Variants in KCNAB1 observed in about 807,000 individuals in gnomAD.
KCNAB1 encodes voltage-gated potassium channel subunit beta-1.
A neutral mutation model predicts 64.6 loss-of-function variants in KCNAB1; 35 were observed. The ratio of observed to expected loss-of-function variants is 0.54; its 90% CI spans 0.41 to 0.72. KCNAB1 has a LOEUF of 0.72. Among genes scored for constraint, KCNAB1 ranks in the 30% least tolerant of loss-of-function variants. KCNAB1 has a pLI of 0.00. For missense variants in KCNAB1, 401 were observed against 512.9 expected, an observed-to-expected ratio of 0.78 and a Z score of 2.11; for synonymous variants, 177 against 183.8, an observed-to-expected ratio of 0.96 and a Z score of 0.30.
At chr3:156,405,448 C>A (rs1011055338) in intron 1 of KCNAB1, among the ~76,000 whole-genome samples, 1 of 152,164 alleles carries the variant, frequency 6.6e-6, no homozygotes, top group African/African-American at 2.4e-5. Context: ...GTGTAGTTGA[C>A]CTTAGCAACT....
At chr3:156,469,305 GGA>G (rs1713696123) in intron 7 of KCNAB1, among the ~76,000 whole-genome samples, 2 of 133,464 alleles carry the variant, frequency 1.5e-5, no homozygotes, top group South Asian at 4.7e-4. Context: ...CACCCAGGCT[GGA>G]GTGCAGTGGC....
chr3:156,434,997 G>C (rs1716489814), intron 2 of KCNAB1, among the ~76,000 whole-genome samples: 1 of 152,204 alleles, frequency 6.6e-6, no homozygotes, highest in Non-Finnish European at 1.5e-5. Context: ...GGAAAGGGAA[G>C]GTGATAAAGG....
At chr3:156,273,331 T>G (rs1259355387) in intron 1 of KCNAB1, among the ~76,000 whole-genome samples, 3 of 152,212 alleles carry the variant, frequency 2.0e-5, no homozygotes, top group Non-Finnish European at 4.4e-5. Context: ...GCCTTTCAAG[T>G]TTATTTAGAT....
chr3:156,533,284 T>A (rs1190870536), intron 13 of KCNAB1, among the ~76,000 whole-genome samples: 1 of 152,206 alleles, frequency 6.6e-6, no homozygotes, highest in East Asian at 1.9e-4. Context: ...GGGCTTCATG[T>A]GCCTTCATTT....
chr3:156,215,153 A>G (rs1373521294), intron 1 of KCNAB1, among the ~76,000 whole-genome samples: 1 of 152,220 alleles, frequency 6.6e-6, no homozygotes, highest in Non-Finnish European at 1.5e-5. Flanking sequence ...AGTAGGGACT[A>G]TTAGCTCATT....
At chr3:156,409,314 A>G (rs530639950) in intron 1 of KCNAB1, among the ~76,000 whole-genome samples, 1 of 152,328 alleles carries the variant, frequency 6.6e-6, no homozygotes, top group Admixed American at 6.5e-5. Flanking sequence ...ATTTTCTGGG[A>G]TGGATTAATT....
intron 12 of KCNAB1, chr3:156,524,230 G>C: frequency 4.1e-6 from 1 of 241,332 alleles, no homozygotes; most frequent in Non-Finnish European, 7.9e-6. Flanking sequence ...GGGGTGAACT[G>C]TGTAGTGACA....
chr3:156,329,050 A>G (rs1280308851), intron 1 of KCNAB1, among the ~76,000 whole-genome samples: 2 of 152,214 alleles, frequency 1.3e-5, no homozygotes, highest in African/African-American at 2.4e-5. Context: ...CGGTTTAAAA[A>G]AAACTTCCTT....
chr3:156,166,672 CT>C (rs1350004334), intron 1 of KCNAB1, among the ~76,000 whole-genome samples: 1 of 152,248 alleles, frequency 6.6e-6, no homozygotes, highest in East Asian at 1.9e-4. Context: ...CATTTGCTAG[CT>C]GTTTGCAAAC....
At chr3:156,411,938 G>T (rs914018852) in intron 1 of KCNAB1, among the ~76,000 whole-genome samples, 12 of 152,106 alleles carry the variant, frequency 7.9e-5, no homozygotes, top group African/African-American at 2.9e-4. Flanking sequence ...TATAAATTGG[G>T]ATAATATTTA....
chr3:156,481,895 G>T (rs962005057), intron 8 of KCNAB1, among the ~76,000 whole-genome samples: 3 of 152,066 alleles, frequency 2.0e-5, no homozygotes, highest in Non-Finnish European at 2.9e-5. Flanking sequence ...TCACAGCTGG[G>T]GCAAACAAAC....
At chr3:156,395,555 A>AAAAAAAAAAAAAG in intron 1 of KCNAB1, among the ~76,000 whole-genome samples, 1 of 106,828 alleles carries the variant, frequency 9.4e-6, no homozygotes, top group Non-Finnish European at 1.7e-5. Flanking sequence ...AAAAAAAAAA[A>AAAAAAAAAAAAAG]AAAAAAAAAA....
chr3:156,158,175 A>T (rs1417966189), intron 1 of KCNAB1, among the ~76,000 whole-genome samples: 3 of 113,450 alleles, frequency 2.6e-5, no homozygotes, highest in Non-Finnish European at 5.3e-5. Flanking sequence ...AAAAAAAAAA[A>T]TAAAAAATAA....
At chr3:156,532,273 TG>T (rs1298005436) in intron 13 of KCNAB1, among the ~76,000 whole-genome samples, 1 of 152,166 alleles carries the variant, frequency 6.6e-6, no homozygotes, top group Non-Finnish European at 1.5e-5. Context: ...GTTGAAAGGA[TG>T]TTCCTGGGAG....
At chr3:156,304,632 C>T (rs185866147) in intron 1 of KCNAB1, among the ~76,000 whole-genome samples, 1 of 152,262 alleles carries the variant, frequency 6.6e-6, no homozygotes, top group Admixed American at 6.5e-5. Flanking sequence ...TGGAATGTCC[C>T]CCATAATTAC....
intron 1 of KCNAB1, among the ~76,000 whole-genome samples, chr3:156,128,394 G>A (rs1056992217): frequency 1.3e-5 from 2 of 152,200 alleles, no homozygotes; most frequent in African/African-American, 4.8e-5. Context: ...GTAGGAGAAG[G>A]AGAAAAATTC....
intron 1 of KCNAB1, among the ~76,000 whole-genome samples, chr3:156,356,180 G>T (rs1456874198): frequency 7.2e-6 from 1 of 139,304 alleles, no homozygotes; most frequent in African/African-American, 3.1e-5. Context: ...AAGAAAAAAA[G>T]AAAAAGAAAG....
intron 1 of KCNAB1, among the ~76,000 whole-genome samples, chr3:156,335,367 C>T (rs1723619104): frequency 6.6e-6 from 1 of 152,184 alleles, no homozygotes; most frequent in South Asian, 2.1e-4. Context: ...TGGCTACTCC[C>T]TCTTTGAGTC....
intron 13 of KCNAB1, among the ~76,000 whole-genome samples, chr3:156,535,259 C>T (rs191012445): frequency 8.5e-5 from 13 of 152,296 alleles, no homozygotes; most frequent in Admixed American, 2.6e-4. Context: ...TCACCTTGGC[C>T]AGCAGGATTG....
Sources: allele counts gnomAD v4.1 joint callset (sites outside exome capture counted in the v4.1 genomes callset), GRCh38; gene constraint gnomAD v4.1.1; transcripts MANE v1.5; gene names NCBI Gene and HGNC (gene_info 2026-07-23, HGNC 2026-07-21).